Variants in COL15A1 observed in about 807,000 individuals in gnomAD.
The protein encoded by COL15A1 is collagen type XV alpha 1 chain.
In COL15A1, 111 loss-of-function variants were observed where a neutral mutation model predicts 165.9. The ratio of observed to expected loss-of-function variants is 0.67; its 90% CI spans 0.57 to 0.78. The LOEUF (loss-of-function observed/expected upper bound fraction) is 0.78. Ranked by LOEUF, COL15A1 falls within the 30% of genes least tolerant of loss-of-function variation. The probability of loss-of-function intolerance (pLI) is 0.00; values close to 1 mark genes in which losing one functional copy is unlikely to be tolerated. For missense variants in COL15A1, 1,745 were observed against 1,789.7 expected, an observed-to-expected ratio of 0.98 and a Z score of 0.45; for synonymous variants, 659 against 674.8, an observed-to-expected ratio of 0.98 and a Z score of 0.36.
chr9:98,943,934 C>A lies in COL15A1; in HGVS notation c.-128C>A, dbSNP rs1024350860. 4 of 1,256,448 alleles carry A rather than the reference C, an allele frequency of 3.2e-6. No individual in the cohort carries two copies. Among genetic ancestry groups the A allele is most frequent in the Non-Finnish European group, 4.2e-6 (4 of 947,244 alleles). The allele number at this position is 1,256,448 out of a possible 1,614,324, so 77.8% of individuals were successfully genotyped here. The stretch of plus-strand genomic sequence containing the variant: ...TCTGCCCGCCGCCGCCGCTGCCGAG[C>A]GCCGCCTTTGTTCCCTGCAGGAAGG... On this transcript the variant is annotated 5_prime_UTR_variant, in exon 1 of 42. Transcript: ENST00000375001.
At chr9:99,030,523 G>A (rs748328985) in intron 16 of COL15A1, among the ~76,000 whole-genome samples, 17 of 152,180 alleles carry the variant, frequency 1.1e-4, no homozygotes, top group Non-Finnish European at 2.1e-4. Context: ...TTATCTGTGA[G>A]TCAATGGAAT....
At chr9:98,948,247 A>G (rs371987351) in intron 2 of COL15A1, among the ~76,000 whole-genome samples, 3 of 152,162 alleles carry the variant, frequency 2.0e-5, no homozygotes, top group African/African-American at 7.2e-5. Flanking sequence ...CTTCTCATCT[A>G]CCATGCAGAA....
intron 2 of COL15A1, among the ~76,000 whole-genome samples, chr9:98,957,150 A>G (rs1256121176): frequency 6.6e-6 from 1 of 152,234 alleles, no homozygotes; most frequent in African/African-American, 2.4e-5. Flanking sequence ...GTTGGGCCCA[A>G]TATCATCACA....
At chr9:98,987,178 T>C in intron 3 of COL15A1, 116 bp from the exon 4 acceptor site, 1 of 984,466 alleles carries the variant, frequency 1.0e-6, no homozygotes, top group Non-Finnish European at 1.6e-6. Flanking sequence ...AGGCTGTACA[T>C]CCTCATTCCC....
At chr9:99,068,770 C>T in intron 41 of COL15A1, 100 bp downstream of exon 41, 1 of 733,208 alleles carries the variant, frequency 1.4e-6, no homozygotes, top group South Asian at 1.8e-5. Context: ...TAGGATATTG[C>T]CAACATAAAG....
chr9:98,972,340 C>CAGG (rs1274220788), intron 2 of COL15A1, among the ~76,000 whole-genome samples: 1 of 152,056 alleles, frequency 6.6e-6, no homozygotes, highest in Non-Finnish European at 1.5e-5. Flanking sequence ...TAGGCCCAAG[C>CAGG]AGGAGGGGCA....
intron 24 of COL15A1, among the ~76,000 whole-genome samples, chr9:99,043,001 A>G (rs1276742692): frequency 1.3e-5 from 2 of 152,206 alleles, no homozygotes; most frequent in Non-Finnish European, 2.9e-5. Context: ...AGGAAGAGAT[A>G]TGCAAAGAGC....
chr9:99,024,797 G>A (rs1308395026), intron 14 of COL15A1, 77 bp from the exon 15 acceptor site: 5 of 1,496,360 alleles, frequency 3.3e-6, no homozygotes, highest in Non-Finnish European at 4.5e-6. Context: ...AAGAATTTGA[G>A]AGATTGCATG....
At chr9:98,965,959 G>A (rs1426358959) in intron 2 of COL15A1, among the ~76,000 whole-genome samples, 2 of 151,780 alleles carry the variant, frequency 1.3e-5, no homozygotes, top group Non-Finnish European at 2.9e-5. Flanking sequence ...TTTTTCCAGG[G>A]GACCCAATTC....
chr9:99,064,507 G>C (rs1043716977), intron 39 of COL15A1, among the ~76,000 whole-genome samples: 1 of 152,208 alleles, frequency 6.6e-6, no homozygotes, highest in African/African-American at 2.4e-5. Context: ...CTTGGCTGTA[G>C]ATGAGCCATG....
At chr9:98,949,018 G>A (rs927408362) in intron 2 of COL15A1, among the ~76,000 whole-genome samples, 1 of 152,110 alleles carries the variant, frequency 6.6e-6, no homozygotes, top group Non-Finnish European at 1.5e-5. Context: ...CTTTCTCTCT[G>A]AGGTAACCAT....
At chr9:99,056,010 G>C (rs539643826) in intron 34 of COL15A1, among the ~76,000 whole-genome samples, 1 of 152,304 alleles carries the variant, frequency 6.6e-6, no homozygotes, top group Admixed American at 6.5e-5. Flanking sequence ...GCAAAGGCTA[G>C]ACTAGATGAT....
chr9:99,029,829 G>A (rs556009839), intron 16 of COL15A1, among the ~76,000 whole-genome samples: 1 of 152,112 alleles, frequency 6.6e-6, no homozygotes, highest in Non-Finnish European at 1.5e-5. Context: ...GGAGGCTGAG[G>A]CAGGAGAATC....
At chr9:99,012,703 CTTTTTTTTT>C (rs1156464062) in intron 9 of COL15A1, among the ~76,000 whole-genome samples, 1 of 99,742 alleles carries the variant, frequency 1.0e-5, no homozygotes, top group Non-Finnish European at 1.9e-5. Flanking sequence ...GTTTCCCACC[CTTTTTTTTT>C]TTTTTTTTTT....
intron 9 of COL15A1, among the ~76,000 whole-genome samples, chr9:99,008,665 A>G (rs1363502793): frequency 6.6e-6 from 1 of 152,132 alleles, no homozygotes; most frequent in Non-Finnish European, 1.5e-5. Context: ...GCTGGAATGC[A>G]GTGGCATGAT....
Position 99,054,532 on chromosome 9 carries a change from G to A in COL15A1, c.2951-44G>A, listed in dbSNP as rs750488926. On this transcript the variant is annotated intron_variant, in intron 31 of 41. Transcript: ENST00000375001. ...TCAGAAAGGTTTTATATAGAAAGAA[G>A]GTGATTTTCCATTTTTTTTTAACAT... 4.4e-5 allele frequency: 69 copies of A among 1,563,916 alleles called. No individual in the cohort carries two copies. The African/African-American group carries it at 4.4e-4, about 10-fold the overall frequency.
chr9:98,977,415 G>C (rs540669632), intron 2 of COL15A1, among the ~76,000 whole-genome samples: 88 of 152,330 alleles, frequency 5.8e-4, no homozygotes, highest in African/African-American at 2.1e-3. Context: ...CCCCTCCCTG[G>C]TGGCTGCCTA....
chr9:98,991,106 G>A (rs1361203549), intron 5 of COL15A1, among the ~76,000 whole-genome samples: 1 of 152,186 alleles, frequency 6.6e-6, no homozygotes, highest in Non-Finnish European at 1.5e-5. Flanking sequence ...CCCACCCCAT[G>A]AGTGTTACAG....
rs1462395581 is a variant in COL15A1, at chr9:99,044,644, T to C, written c.2643+8T>C. 3 of 1,614,060 alleles carry C rather than the reference T, an allele frequency of 1.9e-6. No individual in the cohort carries two copies. In the East Asian group the frequency reaches 6.7e-5, roughly 36 times the overall value. ...AGGCTGATGGGGAAAAAGGTAATTA[T>C]GTCACCAGACCCTGCAGGCACATAT... On this transcript the variant is annotated splice_region_variant and intron_variant, in intron 25 of 41. Transcript: ENST00000375001.
Sources: gnomAD v4.1 joint callset for allele counts (sites outside exome capture counted in the v4.1 genomes callset) on GRCh38, gnomAD v4.1.1 for gene constraint, MANE v1.5 for transcripts, NCBI Gene and HGNC (gene_info 2026-07-23, HGNC 2026-07-21) for gene names.